HSD11B1: variants seen among roughly 807,000 people sequenced by gnomAD.
The protein encoded by HSD11B1 is 11-beta-hydroxysteroid dehydrogenase 1.
Under a neutral mutation model 22.1 loss-of-function variants are expected in HSD11B1, and 15 were observed. The ratio of observed to expected loss-of-function variants is 0.68; its 90% confidence interval spans 0.45 to 1.04. The LOEUF (loss-of-function observed/expected upper bound fraction) is 1.04. Ranked by LOEUF, HSD11B1 falls within the 50% of genes least tolerant of loss-of-function variation. The pLI is 0.00. For synonymous variants in HSD11B1, 122 were observed against 125.2 expected (o/e 0.97, Z 0.17); for missense variants, 281 against 357.6 (o/e 0.79, Z 1.73).
chr1:209,694,438 G>C (rs905917298), intron 1 of HSD11B1, among the ~76,000 whole-genome samples: 20 of 152,206 alleles, frequency 1.3e-4, no homozygotes, highest in Admixed American at 8.5e-4. Context: ...AATGCCTAGG[G>C]TTCAGAGAGC....
chr1:209,703,318 T>G (rs930461465), upstream of HSD11B1, among the ~76,000 whole-genome samples: 1 of 152,210 alleles, frequency 6.6e-6, no homozygotes, highest in Non-Finnish European at 1.5e-5. Context: ...TTATCTGGGT[T>G]CTGGCTGGCA....
chr1:209,728,233 T>C (rs12745309), intron 4 of HSD11B1, among the ~76,000 whole-genome samples: 6 of 152,356 alleles, frequency 3.9e-5, no homozygotes, highest in Admixed American at 3.9e-4. Flanking sequence ...TTTCCACATA[T>C]ACTCTGTGAT....
chr1:209,686,393 C>T (rs546572373), intron 1 of HSD11B1: 10 of 152,176 alleles, frequency 6.6e-5, no homozygotes, highest in African/African-American at 2.2e-4. Flanking sequence ...ATTAATCTAT[C>T]GAAATGAACA....
intron 4 of HSD11B1, among the ~76,000 whole-genome samples, chr1:209,708,849 T>C (rs1411889949): frequency 6.6e-6 from 1 of 152,220 alleles, no homozygotes; most frequent in Non-Finnish European, 1.5e-5. Flanking sequence ...ACTTATTGAA[T>C]GACACTTGGT....
intron 4 of HSD11B1, among the ~76,000 whole-genome samples, chr1:209,708,650 G>T (rs1038088747): frequency 6.6e-6 from 1 of 152,190 alleles, no homozygotes; most frequent in Admixed American, 6.5e-5. Flanking sequence ...TCATGATGTA[G>T]GTGGCTTTAA....
intron 4 of HSD11B1, among the ~76,000 whole-genome samples, chr1:209,721,886 C>T (rs1444909567): frequency 6.6e-6 from 1 of 152,220 alleles, no homozygotes; most frequent in African/African-American, 2.4e-5. Context: ...AGATGTGAGT[C>T]AAATTCCAGT....
At chr1:209,686,726 T>A (rs2076731118) in intron 1 of HSD11B1, among the ~76,000 whole-genome samples, 1 of 152,248 alleles carries the variant, frequency 6.6e-6, no homozygotes, top group African/African-American at 2.4e-5. Context: ...CTATGCTGTA[T>A]CTTGGGAAGT....
chr1:209,706,635 C>CT lies in HSD11B1; in HGVS notation c.220-74_220-73insT. On this transcript the variant is annotated intron_variant, in intron 2 of 5. Transcript: ENST00000367027. This position sits in a 1 kb window ranked among gnomAD's most constrained non-coding sequence, Gnocchi z 4.0. ...GCTGTGAGCAATCTCTCATTTAAGCCCCCCGTTACTTCAGAGACTACCCCC... is the reference window on the plus strand; with the variant it reads ...GCTGTGAGCAATCTCTCATTTAAGCCTCCCCGTTACTTCAGAGACTACCCCC... The CT allele has an allele frequency of 1.1e-6, 1 of 936,178 alleles. No individual in the cohort carries two copies. 58.0% of individuals were successfully genotyped at this position (936,178 alleles called of 1,614,324 possible). A position where few individuals can be genotyped will look rare whatever the true frequency, so the allele number is the denominator to read the frequency against.
chr1:209,725,404 C>T (rs1382521392), intron 4 of HSD11B1, among the ~76,000 whole-genome samples: 2 of 152,226 alleles, frequency 1.3e-5, no homozygotes, highest in Non-Finnish European at 2.9e-5. Flanking sequence ...TCATGTACTT[C>T]CTTTCATCAA....
chr1:209,699,458 A>G (rs1223557785), intron 1 of HSD11B1, among the ~76,000 whole-genome samples: 1 of 152,144 alleles, frequency 6.6e-6, no homozygotes, highest in African/African-American at 2.4e-5. Context: ...TGATAAACCC[A>G]TCAGATCAAG....
At chr1:209,688,869 C>T (rs191316068) in intron 1 of HSD11B1, among the ~76,000 whole-genome samples, 158 of 152,266 alleles carry the variant, frequency 1.0e-3, no homozygotes, top group African/African-American at 3.6e-3. Context: ...TAAGGAATGT[C>T]AACACTCTTG....
chr1:209,708,704 T>C (rs772649614), intron 4 of HSD11B1, among the ~76,000 whole-genome samples: 2 of 152,242 alleles, frequency 1.3e-5, no homozygotes, highest in East Asian at 3.8e-4. Flanking sequence ...AGGCAAAGGA[T>C]GTATTTCACC....
intron 1 of HSD11B1, among the ~76,000 whole-genome samples, chr1:209,686,878 C>A (rs1446495081): frequency 6.6e-6 from 1 of 152,114 alleles, no homozygotes; most frequent in Non-Finnish European, 1.5e-5. Flanking sequence ...TAAACGTGTC[C>A]ATCAAAATTC....
At chr1:209,717,664 T>C (rs1419715603) in intron 4 of HSD11B1, among the ~76,000 whole-genome samples, 2 of 152,176 alleles carry the variant, frequency 1.3e-5, no homozygotes, top group South Asian at 2.1e-4. Context: ...AAGACCAGCC[T>C]GGCCAACATG....
At chr1:209,730,361 C>T (rs1418258183) in intron 4 of HSD11B1, among the ~76,000 whole-genome samples, 1 of 152,162 alleles carries the variant, frequency 6.6e-6, no homozygotes, top group African/African-American at 2.4e-5. Context: ...ACAATTCTAG[C>T]CATCATATCT....
intron 1 of HSD11B1, among the ~76,000 whole-genome samples, chr1:209,686,470 G>A (rs1037185850): frequency 1.3e-5 from 2 of 152,106 alleles, no homozygotes; most frequent in Non-Finnish European, 2.9e-5. Flanking sequence ...AGAAACGCCC[G>A]ATGAGCTTTC....
At chr1:209,696,595 C>G (rs2076792802) in intron 1 of HSD11B1, among the ~76,000 whole-genome samples, 2 of 152,206 alleles carry the variant, frequency 1.3e-5, no homozygotes, top group South Asian at 4.2e-4. Context: ...AAAATGAGAA[C>G]CGAATCAAGG....
intron 4 of HSD11B1, among the ~76,000 whole-genome samples, chr1:209,722,838 G>A (rs2076974813): frequency 6.6e-6 from 1 of 152,158 alleles, no homozygotes; most frequent in African/African-American, 2.4e-5. Flanking sequence ...TCCCCTCTGA[G>A]CAATCAATTA....
intron 4 of HSD11B1, among the ~76,000 whole-genome samples, chr1:209,723,192 G>A (rs1028994979): frequency 6.6e-6 from 1 of 152,062 alleles, no homozygotes; most frequent in Non-Finnish European, 1.5e-5. Context: ...AAACTTCCCA[G>A]AAAGCTAGCT....
Sources: gnomAD v4.1 joint callset for allele counts (sites outside exome capture counted in the v4.1 genomes callset) on GRCh38, gnomAD v4.1.1 for gene constraint, Gnocchi (gnomAD v3.1) non-coding constraint, MANE v1.5 for transcripts, NCBI Gene and HGNC (gene_info 2026-07-23, HGNC 2026-07-21) for gene names.